Variants in WASHC2C observed in about 807,000 individuals in gnomAD.
WASHC2C encodes WASH complex subunit 2C.
Under a neutral mutation model 142.2 loss-of-function variants are expected in WASHC2C, and 73 were observed. That is an observed-to-expected ratio of 0.51 (90% CI 0.43 to 0.62). The LOEUF is 0.62. Among genes scored for constraint, WASHC2C ranks in the 20% least tolerant of loss-of-function variants. WASHC2C has a pLI of 0.00. For missense variants in WASHC2C, 969 were observed against 1,531.7 expected (o/e 0.63, Z 6.13); for synonymous variants, 337 against 565.5 (o/e 0.60, Z 5.73).
At chr10:45,761,581 T>C (rs2055091873) in intron 17 of WASHC2C, among the ~76,000 whole-genome samples, 1 of 152,186 alleles carries the variant, frequency 6.6e-6, no homozygotes, top group Admixed American at 6.5e-5. Flanking sequence ...ACTAAGGCAG[T>C]CTAAGTAAGA....
rs782096292 is a variant in WASHC2C, at chr10:45,754,995, G to A, written c.1300G>A (p.Glu434Lys). Residue 434 changes from glutamate (E) to lysine (K), a missense_variant, in exon 15 of 31, where the codon GAG becomes AAG. By Grantham distance (56) the Glu-to-Lys change is moderately conservative. Coordinates refer to ENST00000623400, the MANE Select transcript of WASHC2C (RefSeq NM_001330074.2). ...VPSLKEPQKP[E>K]QPTPRKSPYG... ...ATCACTGAAGGAGCCACAGAAGCCTGAGCAGCCCACTCCAAGGAAAAGCCC... is the reference window on the plus strand; with the variant it reads ...ATCACTGAAGGAGCCACAGAAGCCTAAGCAGCCCACTCCAAGGAAAAGCCC... 1.9e-6 allele frequency: 3 copies of A among 1,611,968 alleles called. No individual in the cohort carries two copies. In the South Asian group the frequency reaches 3.3e-5, roughly 18 times the overall value.
chr10:45,746,152 T>G, intron 7 of WASHC2C, among the ~76,000 whole-genome samples: 1 of 133,812 alleles, frequency 7.5e-6, no homozygotes, highest in East Asian at 2.2e-4. Context: ...TGCCACATTT[T>G]CTTAATCCAG....
At chr10:45,736,087 T>C (rs2051192451) in intron 3 of WASHC2C, among the ~76,000 whole-genome samples, 1 of 146,936 alleles carries the variant, frequency 6.8e-6, no homozygotes, top group African/African-American at 2.5e-5. Flanking sequence ...CTGGCCAACG[T>C]GGTGAAACCC....
intron 3 of WASHC2C, among the ~76,000 whole-genome samples, chr10:45,730,281 A>G (rs2134019958): frequency 7.4e-6 from 1 of 135,556 alleles, no homozygotes; most frequent in Admixed American, 7.5e-5. Context: ...TGGGAGGCGG[A>G]GGTTGCGGTG....
chr10:45,775,680 A>AT (rs569006368), intron 21 of WASHC2C, among the ~76,000 whole-genome samples: 1,974 of 132,936 alleles, frequency 0.015, 19 homozygotes, highest in East Asian at 0.035. Flanking sequence ...TTTGCATTGA[A>AT]TTTTTTTTTT....
intron 17 of WASHC2C, among the ~76,000 whole-genome samples, chr10:45,762,282 G>A (rs2055205025): frequency 1.3e-5 from 2 of 152,068 alleles, no homozygotes; most frequent in Non-Finnish European, 2.9e-5. Flanking sequence ...GTGGGATCTT[G>A]GCTCACTGCA....
chr10:45,788,268 T>G (rs2058193228), intron 28 of WASHC2C, among the ~76,000 whole-genome samples: 2 of 152,232 alleles, frequency 1.3e-5, no homozygotes, highest in South Asian at 4.1e-4. Context: ...TGCTACTAAG[T>G]GATTCATGTT....
chr10:45,746,533 C>T (rs201198625), intron 7 of WASHC2C, 67 bp from the exon 8 acceptor site: 3 of 1,564,212 alleles, frequency 1.9e-6, no homozygotes, highest in African/African-American at 1.4e-5. Context: ...GAGACTTAGA[C>T]CTGCAATCAT....
At chr10:45,751,767 G>T (rs781996001) in intron 11 of WASHC2C, among the ~76,000 whole-genome samples, 8 of 152,150 alleles carry the variant, frequency 5.3e-5, no homozygotes, top group Non-Finnish European at 1.0e-4. Context: ...CATGAGGTCA[G>T]GAGTTTAAGA....
chr10:45,728,714 G>C, intron 2 of WASHC2C, 148 bp from the exon 3 acceptor site: 3 of 1,286,528 alleles, frequency 2.3e-6, no homozygotes, highest in Non-Finnish European at 3.1e-6. Context: ...CCAGGCAACA[G>C]AGTGAAACTC....
intron 30 of WASHC2C, among the ~76,000 whole-genome samples, chr10:45,791,616 T>G (rs2058398676): frequency 6.8e-6 from 1 of 146,174 alleles, no homozygotes; most frequent in African/African-American, 2.5e-5. Flanking sequence ...GACGGCAATC[T>G]CGATTGTTTC....
intron 29 of WASHC2C, 121 bp from the exon 30 acceptor site, chr10:45,790,235 G>A (rs2058319558): frequency 6.6e-7 from 1 of 1,504,014 alleles, no homozygotes; most frequent in Non-Finnish European, 9.0e-7. Context: ...GGCAGAGTGG[G>A]CAGTCTCGAG....
intron 28 of WASHC2C, among the ~76,000 whole-genome samples, chr10:45,788,442 C>T (rs2058203620): frequency 1.3e-5 from 2 of 152,254 alleles, no homozygotes; most frequent in South Asian, 4.1e-4. Context: ...TTAGACTAGC[C>T]CCCTAACAAA....
At chr10:45,779,678 T>C (rs1554887499) in intron 23 of WASHC2C, among the ~76,000 whole-genome samples, 1 of 151,986 alleles carries the variant, frequency 6.6e-6, no homozygotes, top group Non-Finnish European at 1.5e-5. Flanking sequence ...TTCCAGTAAG[T>C]TTTATTAATA....
At chr10:45,769,157 C>G (rs1212685475) in intron 19 of WASHC2C, among the ~76,000 whole-genome samples, 1 of 151,858 alleles carries the variant, frequency 6.6e-6, no homozygotes, top group Non-Finnish European at 1.5e-5. Flanking sequence ...TCGCTCTGTC[C>G]CCCAGGCTGG....
chr10:45,752,762 A>G (rs2053764895), intron 12 of WASHC2C, 56 bp downstream of exon 12: 2 of 1,214,438 alleles, frequency 1.6e-6, no homozygotes, highest in East Asian at 4.7e-5. Context: ...AGGGGTCCAC[A>G]GGGAAGATAT....
chr10:45,727,159 A>G, upstream of WASHC2C: 4 of 1,441,626 alleles, frequency 2.8e-6, no homozygotes, highest in South Asian at 2.9e-5. Flanking sequence ...TCCTCCCCTC[A>G]GCATCGCAGG....
chr10:45,785,141 G>C (rs2057935929), intron 25 of WASHC2C, among the ~76,000 whole-genome samples: 1 of 152,180 alleles, frequency 6.6e-6, no homozygotes, highest in African/African-American at 2.4e-5. Context: ...CTCTCTGACT[G>C]TACTACACAT....
At chr10:45,775,760 C>A (rs1297809061) in intron 21 of WASHC2C, among the ~76,000 whole-genome samples, 1 of 150,722 alleles carries the variant, frequency 6.6e-6, no homozygotes, top group Non-Finnish European at 1.5e-5. Flanking sequence ...CGGCTCACTG[C>A]AAGCTCCGCC....
Sources: gnomAD v4.1 joint callset for allele counts (sites outside exome capture counted in the v4.1 genomes callset) on GRCh38, gnomAD v4.1.1 for gene constraint, MANE v1.5 for transcripts, NCBI Gene and HGNC (gene_info 2026-07-23, HGNC 2026-07-21) for gene names.